MCM5: variants seen among roughly 807,000 people sequenced by gnomAD.
MCM5 encodes DNA replication licensing factor MCM5.
A neutral mutation model predicts 79.9 loss-of-function variants in MCM5; 46 were observed. The ratio of observed to expected loss-of-function variants is 0.58; its 90% CI spans 0.45 to 0.74. The LOEUF (loss-of-function observed/expected upper bound fraction) is 0.74. MCM5 is among the 30% of genes least tolerant of loss of function. The probability of loss-of-function intolerance (pLI) is 0.00; values close to 1 mark genes in which losing one functional copy is unlikely to be tolerated. For missense variants in MCM5, 883 were observed against 1,017.0 expected, an observed-to-expected ratio of 0.87 and a Z score of 1.79; for synonymous variants, 404 against 390.5, an observed-to-expected ratio of 1.03 and a Z score of -0.41.
At chr22:35,428,021 CTTT>C (rs133437), downstream of MCM5, among the ~76,000 whole-genome samples, 7 of 132,362 alleles carry the variant, frequency 5.3e-5, no homozygotes, top group African/African-American at 1.6e-4. Flanking sequence ...CTCTCTCTCT[CTTT>C]TTTTTTTTTT....
At chr22:35,453,811 T>TAGAG in the MCM5 span, among the ~76,000 whole-genome samples, 1 of 96,992 alleles carries the variant, frequency 1.0e-5, no homozygotes, top group African/African-American at 4.9e-5. Flanking sequence ...TATATATATA[T>TAGAG]ATATATATAG....
intron 12 of MCM5, among the ~76,000 whole-genome samples, chr22:35,417,053 A>C (rs898835524): frequency 1.3e-5 from 2 of 152,158 alleles, no homozygotes; most frequent in African/African-American, 4.8e-5. Context: ...ATTTGGGCTA[A>C]ATCAGTTTCT....
intron 5 of MCM5, 84 bp downstream of exon 5, chr22:35,406,809 C>T: frequency 1.4e-6 from 2 of 1,419,812 alleles, no homozygotes; most frequent in East Asian, 2.3e-5. Flanking sequence ...GCACTGCCTG[C>T]AGCTGCTTCT....
At chr22:35,424,079 AGCCTGGGGAT>A (rs1203069938) in intron 16 of MCM5, 65 bp from the exon 17 acceptor site, 1 of 946,356 alleles carries the variant, frequency 1.1e-6, no homozygotes, top group African/African-American at 1.7e-5. Flanking sequence ...GTTCCCCGTG[AGCCTGGGGAT>A]GTCTGGGCTC....
chr22:35,412,869 A>G (rs1251939467), intron 8 of MCM5, among the ~76,000 whole-genome samples, 188 bp downstream of exon 8: 4 of 152,206 alleles, frequency 2.6e-5, no homozygotes, highest in Non-Finnish European at 5.9e-5. Context: ...CACCTGTCTC[A>G]GCGATGCCCT....
At chr22:35,438,915 A>G in the MCM5 span, among the ~76,000 whole-genome samples, 7 of 109,032 alleles carry the variant, frequency 6.4e-5, no homozygotes, top group Non-Finnish European at 1.1e-4. Flanking sequence ...ATCCACTCAC[A>G]TATTCATCCA....
At chr22:35,447,843 C>T in the MCM5 span, among the ~76,000 whole-genome samples, 16 of 152,284 alleles carry the variant, frequency 1.1e-4, no homozygotes, top group East Asian at 3.9e-4. Flanking sequence ...TGGGAGAGAC[C>T]GGGCAGCAGC....
chr22:35,436,002 AC>A, the MCM5 span, among the ~76,000 whole-genome samples: 3 of 151,884 alleles, frequency 2.0e-5, no homozygotes, highest in Non-Finnish European at 4.4e-5. Context: ...CCCCATCTCT[AC>A]TAACAATACA....
chr22:35,447,272 C>G, the MCM5 span, among the ~76,000 whole-genome samples: 1 of 152,078 alleles, frequency 6.6e-6, no homozygotes, highest in Non-Finnish European at 1.5e-5. Flanking sequence ...GCTCCTTCCC[C>G]GACGGGTTTG....
At chr22:35,412,789 G>A (rs908398047) in intron 8 of MCM5, 108 bp downstream of exon 8, 3 of 1,016,714 alleles carry the variant, frequency 3.0e-6, no homozygotes, top group Non-Finnish European at 3.9e-6. Flanking sequence ...TATTTCCTGG[G>A]CCCCTCAGTC....
chr22:35,416,660 A>T lies in MCM5; in HGVS notation c.1436A>T (p.Asn479Ile), dbSNP rs1243197798. Residue 479 changes from asparagine (N) to isoleucine (I), a missense_variant, in exon 12 of 17, where the codon AAC becomes ATC. Coordinates refer to ENST00000216122, the MANE Select transcript of MCM5 (RefSeq NM_006739.4). ...IAKAGITTTL[N>I]SRCSVLAAAN... ...TAGGCTGGGATCACCACCACCCTGA[A>T]CTCCCGCTGCTCCGTCCTGGCTGCT... is the stretch of plus-strand genomic sequence containing the variant. 1 of 1,612,772 alleles carries T rather than the reference A, an allele frequency of 6.2e-7. No homozygotes were observed.
At chr22:35,406,053 G>T (rs1270152573) in intron 4 of MCM5, among the ~76,000 whole-genome samples, 1 of 151,868 alleles carries the variant, frequency 6.6e-6, no homozygotes, top group African/African-American at 2.4e-5. Context: ...CTGCCTTATT[G>T]TCCGGTGTGG....
chr22:35,423,361 G>C lies in MCM5; in HGVS notation c.2103+20G>C. The stretch of plus-strand genomic sequence containing the variant: ...AAGCAGGTGAGCCTGCCTTGGAGTG[G>C]GGGTGTGAGCCGGCACGGGGTGCAG... On this transcript the variant is annotated intron_variant, in intron 16 of 16. Transcript: ENST00000216122. 1 of 1,580,662 alleles carries C rather than the reference G, an allele frequency of 6.3e-7. No individual in the cohort carries two copies. Among genetic ancestry groups the C allele is most frequent in the Non-Finnish European group, 8.6e-7 (1 of 1,157,688 alleles).
intron 14 of MCM5, 118 bp from the exon 15 acceptor site, chr22:35,421,200 C>T (rs1932682901): frequency 1.1e-6 from 1 of 948,300 alleles, no homozygotes; most frequent in East Asian, 2.7e-5. Flanking sequence ...ATGGGGACAC[C>T]TAGCAGTCTC....
chr22:35,431,593 A>T, the MCM5 span, among the ~76,000 whole-genome samples: 1 of 152,058 alleles, frequency 6.6e-6, no homozygotes, highest in African/African-American at 2.4e-5. Flanking sequence ...TCTCCTCCTG[A>T]TATAGGACTC....
chr22:35,416,674 G>GTCC lies in MCM5; in HGVS notation c.1452_1454dup (p.Leu485dup). 1 of 1,614,056 alleles carries GTCC rather than the reference G, an allele frequency of 6.2e-7. No homozygotes were observed. The highest frequency in any genetic ancestry group is 8.5e-7 in the Non-Finnish European group (1 of 1,180,016). On this transcript the variant is annotated inframe_insertion, in exon 12 of 17. Coordinates refer to ENST00000216122, the MANE Select transcript of MCM5 (RefSeq NM_006739.4). ...CACCACCCTGAACTCCCGCTGCTCC[G>GTCC]TCCTGGCTGCTGCCAACTCAGTGTT...
intron 7 of MCM5, chr22:35,411,477 A>T: frequency 6.5e-6 from 1 of 154,042 alleles, no homozygotes; most frequent in Non-Finnish European, 1.4e-5. Context: ...GGAGCAGGTG[A>T]AAACCCCGGC....
Position 35,421,260 on chromosome 22 carries a change from C to CT in MCM5, c.1833-57dup, listed in dbSNP as rs1294366073. The CT allele has an allele frequency of 7.0e-6, 11 of 1,563,422 alleles. No individual in the cohort carries two copies. In the East Asian group the frequency reaches 1.1e-4, roughly 16 times the overall value. On this transcript the variant is annotated intron_variant, in intron 14 of 16. Coordinates refer to ENST00000216122, the MANE Select transcript of MCM5 (RefSeq NM_006739.4). ...AAGCACCTCCCTGGTAACGGGCTGGCTGGGGAGGAAGGGAATAGCGGACCG... is the reference window on the plus strand; with the variant it reads ...AAGCACCTCCCTGGTAACGGGCTGGCTTGGGGAGGAAGGGAATAGCGGACCG...
At chr22:35,450,974 G>A in the MCM5 span, among the ~76,000 whole-genome samples, 1 of 152,208 alleles carries the variant, frequency 6.6e-6, no homozygotes, top group Non-Finnish European at 1.5e-5. Flanking sequence ...GGTTGTAGAT[G>A]AGCAAGGGAA....
Sources: gnomAD v4.1 joint callset for allele counts (sites outside exome capture counted in the v4.1 genomes callset) on GRCh38, gnomAD v4.1.1 for gene constraint, MANE v1.5 for transcripts, NCBI Gene and HGNC (gene_info 2026-07-23, HGNC 2026-07-21) for gene names.